Variants in IFI44L observed in about 807,000 individuals in gnomAD.
IFI44L encodes the protein interferon induced protein 44 like.
IFI44L carries 40 observed loss-of-function variants against 39.3 expected under a neutral mutation model. The ratio of observed to expected loss-of-function variants is 1.02; its 90% CI spans 0.79 to 1.33. IFI44L has a LOEUF of 1.33. Ranked by LOEUF, IFI44L falls within the 40% of genes most tolerant of loss-of-function variation. IFI44L has a pLI of 0.00. For missense variants in IFI44L, 623 were observed against 549.0 expected (o/e 1.13, Z -1.35); for synonymous variants, 198 against 182.3 (o/e 1.09, Z -0.69).
rs754319466 is a variant in IFI44L, at chr1:78,628,299, T to C, written c.384T>C (p.Asn128=). ...KTDIFIICRD[N]KIYLDKMITR... ...ATATTTTCATTATATGTCGAGATAATAAAATTTATCTAGATAAAATGATAA... is the reference window on the plus strand; with the variant it reads ...ATATTTTCATTATATGTCGAGATAACAAAATTTATCTAGATAAAATGATAA... Residue 128 remains asparagine, a synonymous_variant, in exon 2 of 9, where the codon AAT becomes AAC. Transcript: ENST00000370751. 6.2e-7 allele frequency: 1 copy of C among 1,603,080 alleles called. No individual in the cohort carries two copies. The highest frequency in any genetic ancestry group is 1.7e-5 in the Admixed American group (1 of 59,590).
chr1:78,641,187 G>C, intron 7 of IFI44L, 66 bp downstream of exon 7: 1 of 1,150,776 alleles, frequency 8.7e-7, no homozygotes. Flanking sequence ...GTGTGTGTTT[G>C]TGTGTGTCTG....
chr1:78,635,295 G>C (rs1273976470), intron 4 of IFI44L, 42 bp from the exon 5 acceptor site: 1 of 1,408,180 alleles, frequency 7.1e-7, no homozygotes, highest in East Asian at 2.3e-5. Flanking sequence ...TTGAATGCTG[G>C]GTGATGAATG....
chr1:78,628,710 G>A, intron 2 of IFI44L: 1 of 524,996 alleles, frequency 1.9e-6, no homozygotes, highest in Non-Finnish European at 3.4e-6. Context: ...CCAAAGATCA[G>A]ACCCTTATAT....
At chr1:78,640,899 G>A in intron 6 of IFI44L, 122 bp from the exon 7 acceptor site, 6 of 640,118 alleles carry the variant, frequency 9.4e-6, no homozygotes, top group Middle Eastern at 8.8e-4. Context: ...GAGATGTATT[G>A]GGGATATTTC....
intron 4 of IFI44L, among the ~76,000 whole-genome samples, chr1:78,633,384 A>G (rs1557686595): frequency 1.3e-5 from 2 of 152,176 alleles, no homozygotes; most frequent in East Asian, 3.8e-4. Flanking sequence ...TCAAGCTTGC[A>G]TGGTGGACTC....
rs1367397714 is a variant in IFI44L at position 78,643,160 on chromosome 1, T to TTTTTTTTTTTTTTTTTTTTTTTTTTTTTG, written c.*1351_*1352insTTTTTTTTTTTTTTTTTTTTTTTTTTTTG. On this transcript the variant is annotated 3_prime_UTR_variant, in exon 9 of 9. Transcript: ENST00000370751. ...AGATATTAAGAAAGCAAGAGTTTCT[T>TTTTTTTTTTTTTTTTTTTTTTTTTTTTTG]ATGTCCAGTTATGGAATATTTCCTA... is the stretch of plus-strand genomic sequence containing the variant. 1.3e-5 allele frequency: 2 copies of TTTTTTTTTTTTTTTTTTTTTTTTTTTTTG among 151,868 alleles called. No homozygotes were observed. Among genetic ancestry groups the TTTTTTTTTTTTTTTTTTTTTTTTTTTTTG allele is most frequent in the Admixed American group, 6.6e-5 (1 of 15,202 alleles). 9.4% of individuals were successfully genotyped at this position (151,868 alleles called of 1,614,324 possible). A position where few individuals can be genotyped will look rare whatever the true frequency, so the allele number is the denominator to read the frequency against.
At chr1:78,634,289 A>T (rs1652859049) in intron 4 of IFI44L, among the ~76,000 whole-genome samples, 1 of 152,212 alleles carries the variant, frequency 6.6e-6, no homozygotes, top group South Asian at 2.1e-4. Flanking sequence ...AAACTGTAAA[A>T]TATCAAAGAC....
At position 78,635,098 on chromosome 1, in the gene IFI44L, G is replaced by C. The variant is rs147750090; in HGVS notation, c.724-239G>C. ...AGAAATTTCTTTTTTAATTAAAAAG[G>C]AATATTTACATTTTTTTCAGTTGTA... On this transcript the variant is annotated intron_variant, in intron 4 of 8. Coordinates refer to ENST00000370751, the MANE Select transcript of IFI44L (RefSeq NM_006820.4). Among the ~76,000 whole-genome samples the C allele has an allele frequency of 1.6e-3, 243 of 149,936 alleles. 1 individual carries two copies. The highest frequency in any genetic ancestry group is 5.9e-3 in the African/African-American group (238 of 40,520).
At chr1:78,629,131 C>T (rs928662643) in intron 3 of IFI44L, 132 bp downstream of exon 3, 29 of 661,766 alleles carry the variant, frequency 4.4e-5, no homozygotes, top group Non-Finnish European at 7.5e-5. Context: ...ATGTTATTGA[C>T]ATAAAATAAC....
intron 1 of IFI44L, among the ~76,000 whole-genome samples, chr1:78,621,234 C>A (rs182976002): frequency 6.6e-6 from 1 of 152,204 alleles, no homozygotes; most frequent in Non-Finnish European, 1.5e-5. Context: ...AATACAAAAG[C>A]ATTACAAATA....
At position 78,644,039 on chromosome 1, in the gene IFI44L, C is replaced by T. The variant is rs542886665; in HGVS notation, c.*2230C>T. 1 of 152,210 alleles carries T rather than the reference C, an allele frequency of 6.6e-6. No individual in the cohort carries two copies. The highest frequency in any genetic ancestry group is 1.9e-4 in the East Asian group (1 of 5,170). The allele number at this position is 152,210 out of a possible 1,614,324, so 9.4% of individuals were successfully genotyped here. The stretch of plus-strand genomic sequence containing the variant: ...AGTTACCATACAAATGTAGAAGCAA[C>T]AGGTCCAAAAAGTAGGGCATGATTT... On this transcript the variant is annotated 3_prime_UTR_variant, in exon 9 of 9. Coordinates refer to ENST00000370751, the MANE Select transcript of IFI44L (RefSeq NM_006820.4).
At chr1:78,631,164 G>A (rs1023253517) in intron 4 of IFI44L, among the ~76,000 whole-genome samples, 1 of 152,032 alleles carries the variant, frequency 6.6e-6, no homozygotes, top group Non-Finnish European at 1.5e-5. Context: ...AAGAAATATA[G>A]GGCAGACTTT....
chr1:78,643,160 T>TTTTTTTTTTTTTTTTTTTTTTTTG lies in IFI44L; in HGVS notation c.*1351_*1352insTTTTTTTTTTTTTTTTTTTTTTTG, dbSNP rs1367397714. 1.9e-4 allele frequency: 29 copies of TTTTTTTTTTTTTTTTTTTTTTTTG among 151,962 alleles called. No individual in the cohort carries two copies. Among genetic ancestry groups the TTTTTTTTTTTTTTTTTTTTTTTTG allele is most frequent in the East Asian group, 1.6e-3 (8 of 5,148 alleles). The allele number at this position is 151,962 out of a possible 1,614,324, so 9.4% of individuals were successfully genotyped here. On this transcript the variant is annotated 3_prime_UTR_variant, in exon 9 of 9. Coordinates refer to ENST00000370751, the MANE Select transcript of IFI44L (RefSeq NM_006820.4). ...AGATATTAAGAAAGCAAGAGTTTCTTATGTCCAGTTATGGAATATTTCCTA... is the reference window on the plus strand; with the variant it reads ...AGATATTAAGAAAGCAAGAGTTTCTTTTTTTTTTTTTTTTTTTTTTTTTGATGTCCAGTTATGGAATATTTCCTA...
rs1210307438 is a variant in IFI44L at position 78,635,481 on chromosome 1, A to G, written c.868A>G (p.Arg290Gly). Residue 290 changes from arginine to glycine, a missense_variant, in exon 5 of 9, where the codon AGA becomes GGA. Coordinates refer to ENST00000370751, the MANE Select transcript of IFI44L (RefSeq NM_006820.4). ...CATCTTAAAAGGTTGTATGCCAGAC[A>G]GATATCAGGTAAGATTTCTTCAATA... ...PHILKGCMPD[R>G]YQFNSRKPIT... is the part of the protein sequence containing the mutation. 1.2e-6 allele frequency: 2 copies of G among 1,611,136 alleles called. No homozygotes were observed. The highest frequency in any genetic ancestry group is 1.7e-6 in the Non-Finnish European group (2 of 1,179,030).
At chr1:78,634,179 T>C (rs1298711745) in intron 4 of IFI44L, among the ~76,000 whole-genome samples, 2 of 151,820 alleles carry the variant, frequency 1.3e-5, no homozygotes, top group Non-Finnish European at 2.9e-5. Context: ...CAAAAAACTT[T>C]TAAAACCTGG....
At position 78,642,098 on chromosome 1, in the gene IFI44L, A is replaced by G. The variant is rs959761939; in HGVS notation, c.*289A>G. ...GAGATATTCTCTAATTTATTCTTCTATAACACTCTATATAGAGCTATGTGA... is the reference window on the plus strand; with the variant it reads ...GAGATATTCTCTAATTTATTCTTCTGTAACACTCTATATAGAGCTATGTGA... On this transcript the variant is annotated 3_prime_UTR_variant, in exon 9 of 9. Transcript: ENST00000370751. 2 of 518,564 alleles carry G rather than the reference A, an allele frequency of 3.9e-6. No homozygotes were observed. The highest frequency in any genetic ancestry group is 7.0e-6 in the Non-Finnish European group (2 of 287,268). 32.1% of individuals were successfully genotyped at this position (518,564 alleles called of 1,614,324 possible).
chr1:78,629,809 T>C lies in IFI44L; in HGVS notation c.617T>C (p.Val206Ala), dbSNP rs139258784. The C allele has an allele frequency of 1.2e-5, 20 of 1,613,692 alleles. No individual in the cohort carries two copies. The African/African-American group carries it at 1.6e-4, about 13-fold the overall frequency. Residue 206 changes from valine to alanine, a missense_variant, in exon 4 of 9, where the codon GTT (valine) becomes GCT (alanine). Coordinates refer to ENST00000370751, the MANE Select transcript of IFI44L (RefSeq NM_006820.4). The part of the protein sequence containing the change: ...SEIRILLVGP[V>A]GSGKSSFFNS... ...ATTCGTATTCTTTTGGTGGGTCCAGTTGGGTCTGGAAAGTCCAGTTTTTTC... is the reference window on the plus strand; with the variant it reads ...ATTCGTATTCTTTTGGTGGGTCCAGCTGGGTCTGGAAAGTCCAGTTTTTTC...
Position 78,643,162 on chromosome 1 carries a change from T to TTTTTTTTTTTTTTTTTTTTTTGAGACG in IFI44L, c.*1353_*1354insTTTTTTTTTTTTTTTTTTTTTGAGACG, listed in dbSNP as rs1359225810. 6 of 151,832 alleles carry TTTTTTTTTTTTTTTTTTTTTTGAGACG rather than the reference T, an allele frequency of 4.0e-5. No homozygotes were observed. The East Asian group carries it at 7.7e-4, about 20-fold the overall frequency. The allele number at this position is 151,832 out of a possible 1,614,324, so 9.4% of individuals were successfully genotyped here. ...ATATTAAGAAAGCAAGAGTTTCTTA[T>TTTTTTTTTTTTTTTTTTTTTTGAGACG]GTCCAGTTATGGAATATTTCCTAAA... On this transcript the variant is annotated 3_prime_UTR_variant, in exon 9 of 9. Transcript: ENST00000370751.
intron 1 of IFI44L, chr1:78,626,715 A>G (rs1035200572): frequency 6.6e-6 from 1 of 151,946 alleles, no homozygotes; most frequent in African/African-American, 2.4e-5. Context: ...CATTTGGAGT[A>G]TAAGTGGTTT....
Sources: allele counts gnomAD v4.1 joint callset (sites outside exome capture counted in the v4.1 genomes callset), GRCh38; gene constraint gnomAD v4.1.1; transcripts MANE v1.5; gene names NCBI Gene and HGNC (gene_info 2026-07-23, HGNC 2026-07-21).